Variants in CUBN observed in about 807,000 individuals in gnomAD.
The protein encoded by CUBN is 460 kDa receptor.
CUBN carries 282 observed loss-of-function variants against 405.3 expected under a neutral mutation model. That is an observed-to-expected ratio of 0.70 (90% confidence interval 0.63 to 0.77). The LOEUF is 0.77. Ranked by LOEUF, CUBN falls within the 30% of genes least tolerant of loss-of-function variation. CUBN has a pLI of 0.00. For synonymous variants in CUBN, 1,684 were observed against 1,617.0 expected (o/e 1.04, Z -0.99); for missense variants, 4,514 against 4,475.2 (o/e 1.01, Z -0.25).
rs561918211 is a variant in CUBN at position 17,007,089 on chromosome 10, G to T, written c.4168+12744C>A. Among the ~76,000 whole-genome samples, 11 of 152,292 alleles carry T rather than the reference G, an allele frequency of 7.2e-5. No individual in the cohort carries two copies. In the East Asian group the frequency reaches 2.1e-3, roughly 29 times the overall value. ...GTGAAAGAAGGCTTCTGGGAGCAAC[G>T]ACCAGAAGAGGCGAGGGGGTCTGTG... On this transcript the variant is annotated intron_variant, in intron 28 of 66. Transcript: ENST00000377833.
At position 17,115,577 on chromosome 10, in the gene CUBN, G is replaced by A. The variant is rs374652141; in HGVS notation, c.614C>T (p.Thr205Met). The change falls in exon 7 of 67, where the codon ACG (threonine) becomes ATG (methionine). Residue 205 changes from threonine (T) to methionine (M), a missense_variant. Transcript: ENST00000377833. ...GSYSCHCPPE[T>M]YGPQCASKYD... is the part of the protein sequence containing the mutation. ...TTTGGATGCACACTGGGGTCCGTAC[G>A]TCTCAGGTGGGCAGTGACAACTGTT... 59 of 1,614,096 alleles carry A rather than the reference G, an allele frequency of 3.7e-5. No homozygotes were observed. In the Admixed American group the frequency reaches 4.5e-4, roughly 12 times the overall value.
chr10:16,984,265 G>A lies in CUBN; in HGVS notation c.4365C>T (p.Pro1455=), dbSNP rs570215573. The part of the protein sequence containing the change: ...NFDVLEIYGG[P]DFHSPRIAQL... ...GGGCTATTCTGGGAGAGTGGAAATC[G>A]GGGCCTCCATAGATCTAACATGGGA... Residue 1455 remains proline (P), a synonymous_variant, in exon 30 of 67, where the codon CCC becomes CCT. Coordinates refer to ENST00000377833, the MANE Select transcript of CUBN (RefSeq NM_001081.4). 39 of 1,614,028 alleles carry A rather than the reference G, an allele frequency of 2.4e-5. No individual in the cohort carries two copies. The highest frequency in any genetic ancestry group is 5.0e-5 in the Admixed American group (3 of 60,008).
Position 16,877,022 on chromosome 10 carries a change from G to A in CUBN, c.8981C>T (p.Pro2994Leu), listed in dbSNP as rs747282932. 1.2e-6 allele frequency: 2 copies of A among 1,614,132 alleles called. No individual in the cohort carries two copies. Among genetic ancestry groups the A allele is most frequent in the Middle Eastern group, 1.6e-4 (1 of 6,062 alleles). ...CTCATCCCCACACACAGTAGCAAAT[G>A]GGGTGGACATGACGCTGTAACCTCT... ...IIRGYSVMST[P>L]FATVCGDEMP... is the part of the protein sequence containing the mutation. Residue 2994 changes from proline (P) to leucine (L), a missense_variant, in exon 57 of 67, where the codon CCA (proline) becomes CTA (leucine). By Grantham distance (98) the Pro-to-Leu change is moderately conservative. This residue lies in a region of CUBN where 1,186 missense variants were observed against 1,186.9 expected (regional missense o/e 1.00). Transcript: ENST00000377833.
At chr10:16,837,421 T>C (rs374035081) in intron 62 of CUBN, among the ~76,000 whole-genome samples, 2 of 152,130 alleles carry the variant, frequency 1.3e-5, no homozygotes, top group East Asian at 3.9e-4. Context: ...ATTCTTACCA[T>C]TATCGTCACT....
rs373952482 is a variant in CUBN at position 17,088,206 on chromosome 10, C to T, written c.1905G>A (p.Leu635=). Reference sequence around the variant, plus strand: ...TGCAGTCATCATGGTGCTCGAGGCTCAAGGTCCCAAAAGTAAATGTTACCA... The same window carrying T: ...TGCAGTCATCATGGTGCTCGAGGCTTAAGGTCCCAAAAGTAAATGTTACCA... The part of the protein sequence containing the change: ...DLLVTFTFGT[L]SLEHHDDCNK... The change falls in exon 15 of 67, where the codon TTG becomes TTA. Residue 635 remains leucine (L), a synonymous_variant. Transcript: ENST00000377833. 1.1e-5 allele frequency: 17 copies of T among 1,613,746 alleles called. No individual in the cohort carries two copies. In the African/African-American group the frequency reaches 2.1e-4, roughly 20 times the overall value.
chr10:16,938,418 T>C (rs10904840), intron 38 of CUBN, among the ~76,000 whole-genome samples: 20,736 of 152,110 alleles, frequency 0.14, 3,163 homozygotes, highest in African/African-American at 0.36. Context: ...TAAAATACTC[T>C]ACCAAACAAA....
Position 17,030,383 on chromosome 10 carries a change from C to A in CUBN, c.4018-10400G>T, listed in dbSNP as rs79652229. On this transcript the variant is annotated intron_variant, in intron 27 of 66. Transcript: ENST00000377833. Reference sequence around the variant, plus strand: ...CTGCTTCAGAGCACAAAAAAATAATCCATGAGACTATGTTTATGTTAAAAT... The same window carrying A: ...CTGCTTCAGAGCACAAAAAAATAATACATGAGACTATGTTTATGTTAAAAT... Among the ~76,000 whole-genome samples the A allele has an allele frequency of 6.0e-3, 862 of 144,346 alleles. 7 individuals carry two copies. The highest frequency in any genetic ancestry group is 0.02 in the African/African-American group (812 of 39,764). The allele number at this position is 144,346 out of a possible 152,430, so 94.7% of individuals were successfully genotyped here.
chr10:17,011,319 T>A (rs72773302), intron 28 of CUBN, among the ~76,000 whole-genome samples: 2,509 of 152,322 alleles, frequency 0.016, 36 homozygotes, highest in Non-Finnish European at 0.025. Context: ...TGTTCAGATG[T>A]GTCCGCAGTT....
Position 16,857,719 on chromosome 10 carries a change from T to G in CUBN, c.9455-6276A>C, listed in dbSNP as rs561136321. Reference sequence around the variant, plus strand: ...CTGCAAAAACCTACAGCTAACAGCATAATTAATGGTGAAATACTAAACGCT... The same window carrying G: ...CTGCAAAAACCTACAGCTAACAGCAGAATTAATGGTGAAATACTAAACGCT... On this transcript the variant is annotated intron_variant, in intron 59 of 66. Transcript: ENST00000377833. Among the ~76,000 whole-genome samples, 3 of 152,202 alleles carry G rather than the reference T, an allele frequency of 2.0e-5. No homozygotes were observed. In the East Asian group the frequency reaches 5.8e-4, roughly 29 times the overall value.
intron 56 of CUBN, 61 bp from the exon 57 acceptor site, chr10:16,877,158 A>G: frequency 7.0e-7 from 1 of 1,438,442 alleles, no homozygotes; most frequent in Non-Finnish European, 9.6e-7. Context: ...TTAAGGCCAT[A>G]AAAATAAAAA....
At chr10:16,858,039 T>C (rs2131348716) in intron 59 of CUBN, among the ~76,000 whole-genome samples, 1 of 151,922 alleles carries the variant, frequency 6.6e-6, no homozygotes, top group Non-Finnish European at 1.5e-5. Flanking sequence ...AGACCAAAAT[T>C]AAAAAACAAT....
intron 6 of CUBN, chr10:17,121,751 C>A (rs1837046685): frequency 6.6e-6 from 1 of 152,008 alleles, no homozygotes; most frequent in Non-Finnish European, 1.5e-5. Context: ...TTACTGCACT[C>A]ATTTTTGCTG....
chr10:17,050,865 A>G (rs1318377590), intron 22 of CUBN, among the ~76,000 whole-genome samples: 1 of 152,132 alleles, frequency 6.6e-6, no homozygotes, highest in Middle Eastern at 3.2e-3. Context: ...GATGTTCACA[A>G]ATATTCTTTA....
intron 36 of CUBN, among the ~76,000 whole-genome samples, chr10:16,945,971 A>G: frequency 6.6e-6 from 1 of 152,142 alleles, no homozygotes; most frequent in South Asian, 2.1e-4. Context: ...TAGTTGTCCC[A>G]TATTTTTAAT....
intron 3 of CUBN, 144 bp from the exon 4 acceptor site, chr10:17,126,943 T>C: frequency 2.5e-6 from 2 of 810,230 alleles, no homozygotes; most frequent in Non-Finnish European, 4.1e-6. Context: ...TTCCTCTTCA[T>C]TCCTCTCCCC....
intron 22 of CUBN, among the ~76,000 whole-genome samples, chr10:17,063,170 T>C (rs1835538462): frequency 6.6e-6 from 1 of 152,094 alleles, no homozygotes; most frequent in Non-Finnish European, 1.5e-5. Flanking sequence ...ATCTCTCAGG[T>C]CTTGATCTAT....
intron 59 of CUBN, among the ~76,000 whole-genome samples, chr10:16,862,280 C>CA (rs1404823590): frequency 1.3e-5 from 2 of 152,134 alleles, no homozygotes; most frequent in African/African-American, 4.8e-5. Flanking sequence ...CAGTCAAACT[C>CA]ATGTTCAAAG....
At chr10:17,000,780 A>G (rs558096730) in intron 28 of CUBN, among the ~76,000 whole-genome samples, 1 of 152,338 alleles carries the variant, frequency 6.6e-6, no homozygotes, top group Admixed American at 6.5e-5. Context: ...TGGACACATC[A>G]CTTAACTTGT....
intron 28 of CUBN, among the ~76,000 whole-genome samples, chr10:16,999,534 T>G (rs1833822715): frequency 6.6e-6 from 1 of 152,222 alleles, no homozygotes; most frequent in Admixed American, 6.5e-5. Flanking sequence ...TCTCCTTGGA[T>G]GTTTTTGAAA....
Sources: gnomAD v4.1 joint callset for allele counts (sites outside exome capture counted in the v4.1 genomes callset) on GRCh38, gnomAD v4.1.1 for gene constraint, gnomAD v4.1.1 regional missense constraint, MANE v1.5 for transcripts, NCBI Gene and HGNC (gene_info 2026-07-23, HGNC 2026-07-21) for gene names.